PLCD3: variants seen among roughly 807,000 people sequenced by gnomAD.
PLCD3 encodes phospholipase C delta 3, also known as 1-phosphatidylinositol 4,5-bisphosphate phosphodiesterase delta-3.
A neutral mutation model predicts 82.8 loss-of-function variants in PLCD3; 62 were observed. That is an observed-to-expected ratio of 0.75 (90% confidence interval 0.61 to 0.93). The LOEUF (loss-of-function observed/expected upper bound fraction) is 0.93, where lower values mean the gene tolerates loss of function less well. PLCD3 is among the 40% of genes least tolerant of loss of function. The pLI is 0.00. For synonymous variants in PLCD3, 478 were observed against 471.8 expected (o/e 1.01, Z -0.17); for missense variants, 1,023 against 1,103.4 (o/e 0.93, Z 1.03).
chr17:45,127,695 A>C (rs1431943862), intron 1 of PLCD3, among the ~76,000 whole-genome samples: 1 of 151,528 alleles, frequency 6.6e-6, no homozygotes, highest in African/African-American at 2.4e-5. Flanking sequence ...CGTGTCCCGG[A>C]GGGGTGGCAT....
chr17:45,121,264 C>G lies in PLCD3; in HGVS notation c.272G>C (p.Gly91Ala). 3 of 1,591,814 alleles carry G rather than the reference C, an allele frequency of 1.9e-6. No homozygotes were observed. Among genetic ancestry groups the G allele is most frequent in the Non-Finnish European group, 2.5e-6 (3 of 1,177,104 alleles). Residue 91 changes from glycine (G) to alanine (A), a missense_variant, in exon 2 of 15, where the codon GGC becomes GCC. By Grantham distance (60) the Gly-to-Ala change is moderately conservative (BLOSUM62 0). This residue lies in a region of PLCD3 where 448 missense variants were observed against 406.3 expected (regional missense o/e 1.10). Coordinates refer to ENST00000619929, the MANE Select transcript of PLCD3 (RefSeq NM_133373.5). ...GCGCCGCTGGAACCACACGCTCAGGCCGTCCTCCTGCAGCCGGTACAGCCG... is the reference window on the plus strand; with the variant it reads ...GCGCCGCTGGAACCACACGCTCAGGGCGTCCTCCTGCAGCCGGTACAGCCG... ...KERLYRLQED[G>A]LSVWFQRRIP... is the part of the protein sequence containing the mutation.
At position 45,121,049 on chromosome 17, in the gene PLCD3, G is replaced by A. The variant is rs1029604503; in HGVS notation, c.407C>T (p.Ala136Val). The change falls in exon 3 of 15, where the codon GCG becomes GTG. Residue 136 changes from alanine to valine, a missense_variant. Physicochemically the swap from Ala to Val is moderately conservative, Grantham distance 64 (BLOSUM62 0). Coordinates refer to ENST00000619929, the MANE Select transcript of PLCD3 (RefSeq NM_133373.5). ...LRRFGGAFAP[A>V]RCLTIAFKGR... is the part of the protein sequence containing the mutation. ...CTTGAAGGCGATGGTGAGGCAGCGC[G>A]CTGGCGCGAAGGCACCCCCGAAGCG... 1.3e-6 allele frequency: 2 copies of A among 1,539,948 alleles called. No homozygotes were observed. The highest frequency in any genetic ancestry group is 1.9e-5 in the Admixed American group (1 of 51,634).
In PLCD3 at chr17:45,115,493, G is replaced by A. The variant is rs1168523822; in HGVS notation, c.1414-3C>T. On this transcript the variant is annotated splice_region_variant and splice_polypyrimidine_tract_variant and intron_variant, in intron 8 of 14. Coordinates refer to ENST00000619929, the MANE Select transcript of PLCD3 (RefSeq NM_133373.5). ...ACCAGGACCCGGCCCTTCAGCTGCT[G>A]TGGGGGCCAACGTGGAGGATGAAGG... 1 of 1,606,898 alleles carries A rather than the reference G, an allele frequency of 6.2e-7. No homozygotes were observed. Among genetic ancestry groups the A allele is most frequent in the Admixed American group, 1.7e-5 (1 of 59,460 alleles).
At position 45,117,914 on chromosome 17, in the gene PLCD3, G is replaced by A. The variant is rs1408019829; in HGVS notation, c.1260+80C>T. On this transcript the variant is annotated intron_variant, in intron 7 of 14. Coordinates refer to ENST00000619929, the MANE Select transcript of PLCD3 (RefSeq NM_133373.5). The stretch of plus-strand genomic sequence containing the variant: ...GGGCAAGGGTTTCCTCTGGAAGGAC[G>A]GAGGGCAGCTGGCATGTGAGTGCGG... 3.2e-6 allele frequency: 5 copies of A among 1,546,046 alleles called. No individual in the cohort carries two copies. The Admixed American group carries it at 5.5e-5, about 17-fold the overall frequency.
At chr17:45,123,080 C>A (rs891766607) in intron 1 of PLCD3, among the ~76,000 whole-genome samples, 2 of 152,202 alleles carry the variant, frequency 1.3e-5, no homozygotes, top group African/African-American at 4.8e-5. Flanking sequence ...CCCTTTATTT[C>A]GACAAGCCCC....
Position 45,115,392 on chromosome 17 carries a change from A to G in PLCD3, c.1512T>C (p.Asp504=), listed in dbSNP as rs766599216. 7 of 1,591,994 alleles carry G rather than the reference A, an allele frequency of 4.4e-6. No homozygotes were observed. Among genetic ancestry groups the G allele is most frequent in the African/African-American group, 2.8e-5 (2 of 71,066 alleles). ...CCACCTCCTCTTCTTCCTCCTCGTC[A>G]TCCTCCTCCTCCTCCTCCCGATCCG... ...ALSDREEEEE[D]DEEEEEEVEA... is the part of the protein sequence containing the mutation. The change falls in exon 9 of 15, where the codon GAT becomes GAC. Residue 504 remains aspartate, a synonymous_variant. Transcript: ENST00000619929.
In PLCD3 at chr17:45,109,224, C is replaced by G. The variant is rs537896352; in HGVS notation, c.*3392G>C. On this transcript the variant is annotated 3_prime_UTR_variant, in exon 15 of 15. Transcript: ENST00000619929. Reference sequence around the variant, plus strand: ...ACCCTTCCCACCCGCCAGAGACGAGCTGCTATTGACCCAGGTTCACTCCAA... The same window carrying G: ...ACCCTTCCCACCCGCCAGAGACGAGGTGCTATTGACCCAGGTTCACTCCAA... The G allele has an allele frequency of 5.3e-5, 8 of 152,374 alleles. No individual in the cohort carries two copies. The South Asian group carries it at 1.7e-3, about 32-fold the overall frequency. The allele number at this position is 152,374 out of a possible 1,614,324, so 9.4% of individuals were successfully genotyped here. A position where few individuals can be genotyped will look rare whatever the true frequency, so the allele number is the denominator to read the frequency against.
chr17:45,115,124 G>T lies in PLCD3; in HGVS notation c.1681C>A (p.Arg561Ser). The T allele has an allele frequency of 6.2e-7, 1 of 1,601,554 alleles. No homozygotes were observed. Among genetic ancestry groups the T allele is most frequent in the Non-Finnish European group, 8.5e-7 (1 of 1,174,240 alleles). The change falls in exon 10 of 15, where the codon CGC (arginine) becomes AGC (serine). Residue 561 changes from arginine to serine, a missense_variant. By Grantham distance (110) the Arg-to-Ser change is moderately radical (BLOSUM62 -1). This residue lies in a region of PLCD3 where 553 missense variants were observed against 655.7 expected (regional missense o/e 0.84). Transcript: ENST00000619929. ...QPCQVSSLSE[R>S]KAKKLIREAG... ...TCCCGAATGAGTTTCTTGGCTTTGCGCTCGCTGAGGGAGCTGACCTGGCAG... is the reference window on the plus strand; with the variant it reads ...TCCCGAATGAGTTTCTTGGCTTTGCTCTCGCTGAGGGAGCTGACCTGGCAG...
intron 1 of PLCD3, among the ~76,000 whole-genome samples, chr17:45,124,797 T>G (rs1803391349): frequency 6.6e-6 from 1 of 152,220 alleles, no homozygotes; most frequent in Admixed American, 6.5e-5. Flanking sequence ...ACTTGAACCA[T>G]CTCTGCCTTG....
At chr17:45,116,432 T>C (rs1250979449) in intron 8 of PLCD3, among the ~76,000 whole-genome samples, 200 bp downstream of exon 8, 1 of 147,244 alleles carries the variant, frequency 6.8e-6, no homozygotes, top group Admixed American at 6.8e-5. Flanking sequence ...TGTGGGGGGG[T>C]CTAGTCAAGA....
chr17:45,112,310 G>A lies in PLCD3; in HGVS notation c.*306C>T. On this transcript the variant is annotated 3_prime_UTR_variant, in exon 15 of 15. Coordinates refer to ENST00000619929, the MANE Select transcript of PLCD3 (RefSeq NM_133373.5). Reference sequence around the variant, plus strand: ...AGTGTCCTGCTCCCCAAGTCTCCTGGCAGCAACAGGCTTGCTCCTCATAAG... The same window carrying A: ...AGTGTCCTGCTCCCCAAGTCTCCTGACAGCAACAGGCTTGCTCCTCATAAG... 1 of 392,910 alleles carries A rather than the reference G, an allele frequency of 2.5e-6. No homozygotes were observed. The highest frequency in any genetic ancestry group is 5.3e-5 in the East Asian group (1 of 18,982). The allele number at this position is 392,910 out of a possible 1,614,324, so 24.3% of individuals were successfully genotyped here.
Position 45,115,174 on chromosome 17 carries a change from T to G in PLCD3, c.1631A>C (p.His544Pro). The stretch of plus-strand genomic sequence containing the variant: ...GGGTTGTGGGGCGTTGGGGGCAGGG[T>G]GCAGGGTCCGCAGGCGGGTGGCGTG... Reference protein sequence around the residue: ...YCHATRLRTLHPAPNAPQPCQ... With the variant: ...YCHATRLRTLPPAPNAPQPCQ... Residue 544 changes from histidine to proline, a missense_variant, in exon 10 of 15, where the codon CAC becomes CCC. Physicochemically the swap from His to Pro is moderately conservative, Grantham distance 77. Transcript: ENST00000619929. The G allele has an allele frequency of 1.9e-6, 3 of 1,594,798 alleles. No homozygotes were observed. Among genetic ancestry groups the G allele is most frequent in the Non-Finnish European group, 1.7e-6 (2 of 1,170,836 alleles).
In PLCD3 at chr17:45,110,588, C is replaced by T. The variant is rs1438506852; in HGVS notation, c.*2028G>A. The T allele has an allele frequency of 1.3e-5, 2 of 152,232 alleles. No homozygotes were observed. The highest frequency in any genetic ancestry group is 4.8e-5 in the African/African-American group (2 of 41,452). 9.4% of individuals were successfully genotyped at this position (152,232 alleles called of 1,614,324 possible). ...TGGGCACTCAGCCCTGGGTCTGGTG[C>T]TCACCTGACCCAGACCCCCCAGCCA... is the stretch of plus-strand genomic sequence containing the variant. On this transcript the variant is annotated 3_prime_UTR_variant, in exon 15 of 15. Transcript: ENST00000619929.
chr17:45,131,426 C>A (rs1396153548), intron 1 of PLCD3, among the ~76,000 whole-genome samples: 1 of 152,212 alleles, frequency 6.6e-6, no homozygotes, highest in Non-Finnish European at 1.5e-5. Flanking sequence ...CACTGCCCTG[C>A]GGGTCCCACT....
At chr17:45,129,283 A>C (rs1280215371) in intron 1 of PLCD3, 1 of 152,240 alleles carries the variant, frequency 6.6e-6, no homozygotes, top group Non-Finnish European at 1.5e-5. Context: ...GTGAGACCCC[A>C]ACTCTACAAA....
chr17:45,112,810 G>T lies in PLCD3; in HGVS notation c.2281+53C>A. The T allele has an allele frequency of 2.5e-6, 4 of 1,604,798 alleles. No homozygotes were observed. The South Asian group carries it at 4.5e-5, about 18-fold the overall frequency. ...AATTCGAGGCACAAAGGTGAACAGG[G>T]TCTGCAGGACCTGGACCCACATCCC... On this transcript the variant is annotated intron_variant, in intron 14 of 14. Transcript: ENST00000619929.
chr17:45,115,356 C>G lies in PLCD3; in HGVS notation c.1548G>C (p.Ala516=). The stretch of plus-strand genomic sequence containing the variant: ...TCCCAGCTCTCACCAGCCGCCTCTG[C>G]GCTGCAGCCTCCACCTCCTCTTCTT... ...EEEEEEVEAA[A]QRRLAKQISP... The change falls in exon 9 of 15, where the codon GCG becomes GCC. Residue 516 remains alanine, a synonymous_variant. Transcript: ENST00000619929. 1 of 1,540,668 alleles carries G rather than the reference C, an allele frequency of 6.5e-7. No homozygotes were observed. The highest frequency in any genetic ancestry group is 8.8e-7 in the Non-Finnish European group (1 of 1,138,632).
chr17:45,120,282 G>A (rs746241977), intron 4 of PLCD3, 43 bp downstream of exon 4: 1 of 1,612,752 alleles, frequency 6.2e-7, no homozygotes, highest in Admixed American at 1.7e-5. Flanking sequence ...AGAGGTCAGA[G>A]TGATGGCAGA....
At chr17:45,127,258 G>T (rs1174733132) in intron 1 of PLCD3, among the ~76,000 whole-genome samples, 1 of 152,192 alleles carries the variant, frequency 6.6e-6, no homozygotes, top group Non-Finnish European at 1.5e-5. Flanking sequence ...GGCCTCCAGG[G>T]GGTACCTTCC....
Sources: gnomAD v4.1 joint callset for allele counts (sites outside exome capture counted in the v4.1 genomes callset) on GRCh38, gnomAD v4.1.1 for gene constraint, gnomAD v4.1.1 regional missense constraint, MANE v1.5 for transcripts, NCBI Gene and HGNC (gene_info 2026-07-23, HGNC 2026-07-21) for gene names.